NELL1: variants seen among roughly 807,000 people sequenced by gnomAD.
The protein encoded by NELL1 is neural EGFL like 1.
A neutral mutation model predicts 107.4 loss-of-function variants in NELL1; 76 were observed. The ratio of observed to expected loss-of-function variants is 0.71; its 90% CI spans 0.59 to 0.86. The LOEUF (loss-of-function observed/expected upper bound fraction) is 0.86, where lower values mean the gene tolerates loss of function less well. Among genes scored for constraint, NELL1 ranks in the 40% least tolerant of loss-of-function variants. NELL1 has a pLI of 0.00. For synonymous variants in NELL1, 353 were observed against 341.2 expected (o/e 1.03, Z -0.38); for missense variants, 1,024 against 1,005.5 (o/e 1.02, Z -0.25).
chr11:21,406,423 G>T (rs1035325155), intron 15 of NELL1, among the ~76,000 whole-genome samples: 94 of 151,848 alleles, frequency 6.2e-4, no homozygotes, highest in Non-Finnish European at 1.3e-4. Context: ...ACCAGAAGAA[G>T]TAGATTACTG....
At chr11:21,269,408 C>T (rs530526996) in intron 14 of NELL1, among the ~76,000 whole-genome samples, 152 of 151,040 alleles carry the variant, frequency 1.0e-3, no homozygotes, top group African/African-American at 3.4e-3. Flanking sequence ...ATATCCTATT[C>T]GAACTGCAGA....
rs572809398 is a variant in NELL1, at chr11:20,690,660, G to A, written c.184+12600G>A. Among the ~76,000 whole-genome samples, 4 of 151,886 alleles carry A rather than the reference G, an allele frequency of 2.6e-5. No homozygotes were observed. The South Asian group carries it at 8.3e-4, about 32-fold the overall frequency. ...GATCTATATCTCTGTTTTGGTACCA[G>A]TACCATGCTGTTTTGGTTACCGTAG... On this transcript the variant is annotated intron_variant, in intron 2 of 19. Transcript: ENST00000357134.
intron 12 of NELL1, among the ~76,000 whole-genome samples, chr11:20,962,045 A>G (rs1380949459): frequency 6.6e-6 from 1 of 151,768 alleles, no homozygotes; most frequent in Non-Finnish European, 1.5e-5. Context: ...ATATATAATA[A>G]TTTTGTCTTC....
At chr11:21,400,346 T>A (rs1051155467) in intron 15 of NELL1, among the ~76,000 whole-genome samples, 1 of 151,906 alleles carries the variant, frequency 6.6e-6, no homozygotes, top group Non-Finnish European at 1.5e-5. Context: ...TATAATCATT[T>A]CTTATTTTCT....
At chr11:21,373,592 C>CTGT in intron 15 of NELL1, among the ~76,000 whole-genome samples, 1 of 152,068 alleles carries the variant, frequency 6.6e-6, no homozygotes, top group Non-Finnish European at 1.5e-5. Context: ...AATTCAAGTA[C>CTGT]ACTTAGTAAA....
chr11:21,481,644 C>T (rs1421114174), intron 15 of NELL1, among the ~76,000 whole-genome samples: 2 of 152,134 alleles, frequency 1.3e-5, no homozygotes, highest in Non-Finnish European at 2.9e-5. Flanking sequence ...TTGTCAGAGA[C>T]AGCATCTGGA....
intron 14 of NELL1, chr11:21,283,921 A>T: frequency 4.1e-6 from 1 of 243,018 alleles, no homozygotes; most frequent in East Asian, 9.9e-5. Flanking sequence ...CAATTCCTCC[A>T]TCAGCGAAGT....
chr11:20,891,749 A>G (rs149685155), intron 5 of NELL1, among the ~76,000 whole-genome samples: 4,960 of 152,272 alleles, frequency 0.033, 275 homozygotes, highest in African/African-American at 0.11. Flanking sequence ...ACCGACAAAG[A>G]TAAAAAAAGA....
chr11:21,369,046 C>T (rs991000613), intron 14 of NELL1, among the ~76,000 whole-genome samples: 1 of 151,980 alleles, frequency 6.6e-6, no homozygotes, highest in Non-Finnish European at 1.5e-5. Flanking sequence ...ACGCATATAC[C>T]TACGATGAAA....
intron 16 of NELL1, among the ~76,000 whole-genome samples, chr11:21,550,608 C>T (rs1856555507): frequency 1.3e-5 from 2 of 152,012 alleles, no homozygotes; most frequent in South Asian, 2.1e-4. Flanking sequence ...ATCCTTTCCC[C>T]ATTGCTTGTT....
At chr11:21,502,475 A>T (rs1855167784) in intron 15 of NELL1, among the ~76,000 whole-genome samples, 1 of 152,200 alleles carries the variant, frequency 6.6e-6, no homozygotes, top group Admixed American at 6.5e-5. Flanking sequence ...CAGACAACTC[A>T]TTACCATCAG....
At chr11:20,773,426 G>C (rs906748524) in intron 2 of NELL1, 1 of 152,082 alleles carries the variant, frequency 6.6e-6, no homozygotes, top group Admixed American at 6.5e-5. Context: ...GTAAAAATGA[G>C]GAAGCTGAGG....
intron 14 of NELL1, among the ~76,000 whole-genome samples, chr11:21,262,766 C>T (rs755788027): frequency 6.6e-6 from 1 of 151,768 alleles, no homozygotes; most frequent in Non-Finnish European, 1.5e-5. Flanking sequence ...ACTCAGTGGA[C>T]TTTTTCAATC....
chr11:21,021,626 A>G (rs1180753519), intron 12 of NELL1, among the ~76,000 whole-genome samples: 2 of 152,092 alleles, frequency 1.3e-5, no homozygotes, highest in Non-Finnish European at 2.9e-5. Context: ...AAATTGCATT[A>G]TGTACATGGT....
At chr11:21,451,816 G>A (rs889834262) in intron 15 of NELL1, among the ~76,000 whole-genome samples, 3 of 152,034 alleles carry the variant, frequency 2.0e-5, no homozygotes, top group Admixed American at 1.3e-4. Flanking sequence ...ACCCAAGTTT[G>A]GTTGGTCATG....
chr11:21,243,996 C>A (rs1441939687), intron 14 of NELL1, among the ~76,000 whole-genome samples: 1 of 152,016 alleles, frequency 6.6e-6, no homozygotes, highest in Non-Finnish European at 1.5e-5. Context: ...TGGGATGCAA[C>A]ATTGTAGCAT....
At chr11:21,337,773 TTTCTTTCTTTCTTTCTTTCTTTCC>T (rs1337963835) in intron 14 of NELL1, among the ~76,000 whole-genome samples, 5 of 144,794 alleles carry the variant, frequency 3.5e-5, no homozygotes, top group African/African-American at 1.3e-4. Flanking sequence ...TCTTTCTTTC[TTTCTTTCTTTCTTTCTTTCTTTCC>T]TTCTTTCTTT....
chr11:21,392,164 C>T (rs1851893685), intron 15 of NELL1, among the ~76,000 whole-genome samples: 1 of 151,844 alleles, frequency 6.6e-6, no homozygotes, highest in African/African-American at 2.4e-5. Flanking sequence ...GTGGTACCCT[C>T]TGCTGAGACT....
chr11:20,971,717 C>T (rs1851505306), intron 12 of NELL1, among the ~76,000 whole-genome samples: 1 of 152,152 alleles, frequency 6.6e-6, no homozygotes, highest in Non-Finnish European at 1.5e-5. Context: ...TGAACTTAAG[C>T]AGGGAACTTC....
Sources: allele counts gnomAD v4.1 joint callset (sites outside exome capture counted in the v4.1 genomes callset), GRCh38; gene constraint gnomAD v4.1.1; transcripts MANE v1.5; gene names NCBI Gene and HGNC (gene_info 2026-07-23, HGNC 2026-07-21).